Variants in CCDC68 observed in about 807,000 individuals in gnomAD.
CCDC68 encodes coiled-coil domain-containing protein 68.
Under a neutral mutation model 47.1 loss-of-function variants are expected in CCDC68, and 45 were observed. The ratio of observed to expected loss-of-function variants is 0.96; its 90% confidence interval spans 0.75 to 1.23. CCDC68 has a LOEUF of 1.23. Among genes scored for constraint, CCDC68 ranks in the 50% most tolerant of loss-of-function variants. The probability of loss-of-function intolerance (pLI) is 0.00; values close to 1 mark genes in which losing one functional copy is unlikely to be tolerated. For synonymous variants in CCDC68, 131 were observed against 129.5 expected (o/e 1.01, Z -0.08); for missense variants, 353 against 373.6 (o/e 0.94, Z 0.45).
At chr18:54,943,898 G>A (rs1336080514) in intron 2 of CCDC68, among the ~76,000 whole-genome samples, 1 of 152,170 alleles carries the variant, frequency 6.6e-6, no homozygotes, top group Admixed American at 6.5e-5. Flanking sequence ...GCTCACATCT[G>A]TAATCCCAGC....
intron 1 of CCDC68, chr18:54,954,871 G>A (rs1252132101): frequency 6.6e-6 from 1 of 151,922 alleles, no homozygotes; most frequent in Non-Finnish European, 1.5e-5. Context: ...TTCTCATCTA[G>A]GAGTTTTAGG....
At chr18:54,938,831 T>C (rs2044392160) in intron 4 of CCDC68, among the ~76,000 whole-genome samples, 1 of 152,256 alleles carries the variant, frequency 6.6e-6, no homozygotes, top group African/African-American at 2.4e-5. Flanking sequence ...AACTGAGAAA[T>C]GATTACACAA....
chr18:54,940,960 A>G (rs1375553674), intron 4 of CCDC68, 37 bp downstream of exon 4: 10 of 1,453,108 alleles, frequency 6.9e-6, no homozygotes, highest in Non-Finnish European at 9.6e-6. Flanking sequence ...AAAAAGTCTA[A>G]ATGGCTTTAT....
intron 7 of CCDC68, among the ~76,000 whole-genome samples, chr18:54,930,483 A>G (rs2044222796): frequency 6.6e-6 from 1 of 152,158 alleles, no homozygotes; most frequent in Admixed American, 6.5e-5. Flanking sequence ...ATGTTTTAAA[A>G]TTAGCTTTTT....
intron 7 of CCDC68, 135 bp downstream of exon 7, chr18:54,934,685 C>T: frequency 1.6e-6 from 1 of 638,030 alleles, no homozygotes; most frequent in Non-Finnish European, 2.2e-6. Context: ...CTTCCTAAGG[C>T]CAAGAATTGT....
intron 10 of CCDC68, among the ~76,000 whole-genome samples, chr18:54,914,380 G>A (rs2043909165): frequency 1.3e-5 from 2 of 152,170 alleles, no homozygotes; most frequent in Non-Finnish European, 2.9e-5. Context: ...CACTTTGGGA[G>A]GCTGAGACAG....
At chr18:54,943,842 T>C (rs1476468736) in intron 2 of CCDC68, among the ~76,000 whole-genome samples, 1 of 152,038 alleles carries the variant, frequency 6.6e-6, no homozygotes, top group African/African-American at 2.4e-5. Context: ...AAAAATAAAA[T>C]ATACAACAAA....
chr18:54,923,838 A>C (rs1284101089), intron 8 of CCDC68, among the ~76,000 whole-genome samples: 1 of 151,956 alleles, frequency 6.6e-6, no homozygotes, highest in Admixed American at 6.6e-5. Flanking sequence ...TAGCCTCTTG[A>C]GTAGCTGGGA....
intron 5 of CCDC68, chr18:54,937,243 A>C: frequency 3.3e-6 from 1 of 305,996 alleles, no homozygotes; most frequent in South Asian, 5.5e-5. Flanking sequence ...TGTTCACATA[A>C]CTCCATGGTG....
chr18:54,932,050 C>T (rs9953031), intron 7 of CCDC68, among the ~76,000 whole-genome samples: 57,963 of 151,834 alleles, frequency 0.38, 11,285 homozygotes, highest in East Asian at 0.58. Flanking sequence ...CTCTGGCTTG[C>T]GCTCCCCACC....
intron 8 of CCDC68, among the ~76,000 whole-genome samples, chr18:54,920,392 C>A (rs910004814): frequency 6.6e-6 from 1 of 151,956 alleles, no homozygotes; most frequent in African/African-American, 2.4e-5. Flanking sequence ...AAGCATGCAC[C>A]ACCACACCTG....
intron 11 of CCDC68, among the ~76,000 whole-genome samples, chr18:54,906,260 G>A (rs1267545336): frequency 2.6e-5 from 4 of 152,046 alleles, no homozygotes; most frequent in Non-Finnish European, 5.9e-5. Context: ...ACAGAACAAA[G>A]GGGACATTCA....
At chr18:54,949,499 C>A (rs996013995) in intron 1 of CCDC68, among the ~76,000 whole-genome samples, 1 of 152,216 alleles carries the variant, frequency 6.6e-6, no homozygotes, top group Non-Finnish European at 1.5e-5. Flanking sequence ...CAGAGTGAAG[C>A]TGTCAGGTAC....
intron 10 of CCDC68, among the ~76,000 whole-genome samples, chr18:54,911,573 G>A (rs114210257): frequency 6.6e-6 from 1 of 152,278 alleles, no homozygotes; most frequent in African/African-American, 2.4e-5. Flanking sequence ...AATTGATGGT[G>A]AAGATTTCCT....
Position 54,941,035 on chromosome 18 carries a change from T to C in CCDC68, c.166A>G (p.Ile56Val). Residue 56 changes from isoleucine (I) to valine (V), a missense_variant, in exon 4 of 12, where the codon ATA (isoleucine) becomes GTA (valine). Ile to Val is a conservative substitution (Grantham distance 29, BLOSUM62 3). Transcript: ENST00000591504. ...TTGTGATTTGTACTGTCATGTCTTATTTCATCTTTAAACATCTGGGTCCTG... is the reference window on the plus strand; with the variant it reads ...TTGTGATTTGTACTGTCATGTCTTACTTCATCTTTAAACATCTGGGTCCTG... ...KIRTQMFKDE[I>V]RHDSTNHKLD... 1 of 1,612,808 alleles carries C rather than the reference T, an allele frequency of 6.2e-7. No homozygotes were observed. Among genetic ancestry groups the C allele is most frequent in the Non-Finnish European group, 8.5e-7 (1 of 1,178,974 alleles).
chr18:54,924,472 G>T (rs2044113305), intron 8 of CCDC68, among the ~76,000 whole-genome samples: 1 of 152,050 alleles, frequency 6.6e-6, no homozygotes, highest in Non-Finnish European at 1.5e-5. Context: ...AGCAGAAAAA[G>T]CCCCAACAAA....
At position 54,917,964 on chromosome 18, in the gene CCDC68, T is replaced by A; in HGVS notation, c.822A>T (p.Gln274His). ...MEGLKNNLKE[Q>H]DKRIENLREK... Reference sequence around the variant, plus strand: ...CTCTGAGATTTTCAATTCTTTTGTCTTGTTCTTTTAAATTATTTTTTAATC... The same window carrying A: ...CTCTGAGATTTTCAATTCTTTTGTCATGTTCTTTTAAATTATTTTTTAATC... The change falls in exon 10 of 12, where the codon CAA becomes CAT. Residue 274 changes from glutamine (Q) to histidine (H), a missense_variant. By Grantham distance (24) the Gln-to-His change is conservative. Coordinates refer to ENST00000591504, the MANE Select transcript of CCDC68 (RefSeq NM_025214.3). 1 of 1,563,672 alleles carries A rather than the reference T, an allele frequency of 6.4e-7. No individual in the cohort carries two copies. The highest frequency in any genetic ancestry group is 1.1e-5 in the South Asian group (1 of 88,156).
At chr18:54,904,512 T>C in intron 11 of CCDC68, 97 bp from the exon 12 acceptor site, 1 of 886,766 alleles carries the variant, frequency 1.1e-6, no homozygotes, top group Non-Finnish European at 1.8e-6. Flanking sequence ...ACTATTCACA[T>C]CAAATCTGAA....
intron 7 of CCDC68, among the ~76,000 whole-genome samples, chr18:54,930,400 C>T (rs184855010): frequency 7.2e-4 from 110 of 152,280 alleles, no homozygotes; most frequent in Admixed American, 4.1e-3. Flanking sequence ...TACAGGCTTC[C>T]TGGCACATAT....
Sources: allele counts gnomAD v4.1 joint callset (sites outside exome capture counted in the v4.1 genomes callset), GRCh38; gene constraint gnomAD v4.1.1; transcripts MANE v1.5; gene names NCBI Gene and HGNC (gene_info 2026-07-23, HGNC 2026-07-21).